Variants in C3orf33 observed in about 807,000 individuals in gnomAD.
C3orf33 encodes the protein AP-1 activity suppressor.
A neutral mutation model predicts 28.7 loss-of-function variants in C3orf33; 23 were observed. That is an observed-to-expected ratio of 0.80 (90% CI 0.58 to 1.13). The LOEUF is 1.13. Ranked by LOEUF, C3orf33 falls within the 50% of genes most tolerant of loss-of-function variation. The pLI, the probability that C3orf33 is intolerant of heterozygous loss-of-function variation, is 0.00. For synonymous variants in C3orf33, 119 were observed against 120.5 expected (o/e 0.99, Z 0.08); for missense variants, 327 against 353.4 (o/e 0.93, Z 0.60).
At chr3:155,769,501 A>AAG (rs1553770029) in intron 3 of C3orf33, among the ~76,000 whole-genome samples, 19 of 149,262 alleles carry the variant, frequency 1.3e-4, no homozygotes, top group African/African-American at 4.4e-4. Flanking sequence ...AAAAAAAAAA[A>AAG]AAGAAGAAGA....
At chr3:155,802,416 T>A in intron 2 of C3orf33, 116 bp downstream of exon 2, 1 of 742,694 alleles carries the variant, frequency 1.3e-6, no homozygotes, top group Non-Finnish European at 2.3e-6. Flanking sequence ...TAAAATACTA[T>A]TTAAAAGCTA....
chr3:155,806,154 G>T lies in C3orf33; in HGVS notation c.99C>A (p.His33Gln), dbSNP rs1406869377. 1 of 1,471,194 alleles carries T rather than the reference G, an allele frequency of 6.8e-7. No homozygotes were observed. Among genetic ancestry groups the T allele is most frequent in the Non-Finnish European group, 9.1e-7 (1 of 1,104,810 alleles). The allele number at this position is 1,471,194 out of a possible 1,614,324, so 91.1% of individuals were successfully genotyped here. ...VARISQWADD[H>Q]LRLVRNISTG... Reference sequence around the variant, plus strand: ...GCCCCAGTACCCGGACTAGGCGCAGGTGGTCGTCTGCCCACTGCGAGATCC... The same window carrying T: ...GCCCCAGTACCCGGACTAGGCGCAGTTGGTCGTCTGCCCACTGCGAGATCC... The change falls in exon 1 of 5, where the codon CAC becomes CAA. Residue 33 changes from histidine (H) to glutamine (Q), a missense_variant. Coordinates refer to ENST00000340171, the MANE Select transcript of C3orf33 (RefSeq NM_001308229.2).
intron 2 of C3orf33, among the ~76,000 whole-genome samples, chr3:155,792,990 C>G (rs936428763): frequency 1.3e-5 from 2 of 151,778 alleles, no homozygotes; most frequent in African/African-American, 2.4e-5. Flanking sequence ...TATGGAACAC[C>G]AAGCAGATTT....
intron 3 of C3orf33, among the ~76,000 whole-genome samples, chr3:155,775,160 G>T (rs944645758): frequency 6.6e-6 from 1 of 152,124 alleles, no homozygotes; most frequent in African/African-American, 2.4e-5. Context: ...CTCAACATTT[G>T]TGAAATGAAT....
chr3:155,780,804 T>C (rs1750896072), intron 2 of C3orf33, among the ~76,000 whole-genome samples: 1 of 152,196 alleles, frequency 6.6e-6, no homozygotes, highest in Admixed American at 6.5e-5. Context: ...GGAAAAACGC[T>C]TTCCTGACAA....
intron 1 of C3orf33, among the ~76,000 whole-genome samples, chr3:155,805,398 G>A (rs1022681876): frequency 6.6e-6 from 1 of 152,114 alleles, no homozygotes; most frequent in African/African-American, 2.4e-5. Flanking sequence ...AGGAAGTGGA[G>A]ACTGCAACGA....
At chr3:155,798,376 A>G (rs1339273731) in intron 2 of C3orf33, among the ~76,000 whole-genome samples, 1 of 152,190 alleles carries the variant, frequency 6.6e-6, no homozygotes, top group Admixed American at 6.6e-5. Flanking sequence ...TCAAATTATA[A>G]GAGCTATAGT....
intron 2 of C3orf33, among the ~76,000 whole-genome samples, chr3:155,781,626 G>A (rs376356396): frequency 1.4e-3 from 214 of 151,104 alleles, no homozygotes; most frequent in African/African-American, 4.1e-3. Context: ...AAAATTAGCC[G>A]GGTGTGGTGG....
chr3:155,769,501 A>AG (rs1553770028), intron 3 of C3orf33, among the ~76,000 whole-genome samples: 161 of 149,324 alleles, frequency 1.1e-3, no homozygotes, highest in African/African-American at 3.0e-3. Flanking sequence ...AAAAAAAAAA[A>AG]AAGAAGAAGA....
intron 2 of C3orf33, among the ~76,000 whole-genome samples, chr3:155,796,993 C>T (rs934343868): frequency 1.3e-5 from 2 of 152,130 alleles, no homozygotes; most frequent in African/African-American, 4.8e-5. Flanking sequence ...GAGTTCGAGA[C>T]TAGCCTGGTC....
intron 4 of C3orf33, among the ~76,000 whole-genome samples, chr3:155,764,728 T>C (rs358735): frequency 0.83 from 126,044 of 151,524 alleles, 52,725 homozygotes; most frequent in East Asian, 0.92. Context: ...CGATGGCAGG[T>C]GCCTGTAATC....
intron 1 of C3orf33, among the ~76,000 whole-genome samples, chr3:155,803,582 A>AG (rs1363159611): frequency 1.6e-4 from 24 of 145,878 alleles, no homozygotes; most frequent in African/African-American, 5.6e-4. Context: ...AAAAAAAAAA[A>AG]AAAGAAATGA....
intron 2 of C3orf33, among the ~76,000 whole-genome samples, chr3:155,796,419 C>T (rs1412877900): frequency 2.6e-5 from 4 of 152,102 alleles, no homozygotes; most frequent in Non-Finnish European, 5.9e-5. Flanking sequence ...AATTCCTAGA[C>T]ATGTACAACC....
At chr3:155,784,674 C>T (rs1278434761) in intron 2 of C3orf33, among the ~76,000 whole-genome samples, 3 of 150,984 alleles carry the variant, frequency 2.0e-5, no homozygotes, top group East Asian at 1.9e-4. Context: ...CGGGAGGTGC[C>T]GAGATGGCAC....
intron 2 of C3orf33, among the ~76,000 whole-genome samples, chr3:155,799,156 G>A (rs1268858531): frequency 2.0e-5 from 3 of 152,112 alleles, no homozygotes; most frequent in African/African-American, 4.8e-5. Context: ...GGAAACCTTC[G>A]TACACTGTTG....
At chr3:155,803,463 G>C (rs777187910) in intron 1 of C3orf33, among the ~76,000 whole-genome samples, 1 of 149,728 alleles carries the variant, frequency 6.7e-6, no homozygotes, top group Non-Finnish European at 1.5e-5. Flanking sequence ...TACTCAGGAG[G>C]CTAAGGCAGG....
chr3:155,783,789 C>A (rs978832224), intron 2 of C3orf33, among the ~76,000 whole-genome samples: 3 of 152,068 alleles, frequency 2.0e-5, no homozygotes, highest in African/African-American at 7.2e-5. Context: ...TTAAAAGAGA[C>A]AATAATTAGT....
intron 4 of C3orf33, among the ~76,000 whole-genome samples, chr3:155,764,246 G>C (rs1642052255): frequency 6.6e-6 from 1 of 152,112 alleles, no homozygotes; most frequent in Non-Finnish European, 1.5e-5. Context: ...GGGGAAGTGG[G>C]ACACCCAAGA....
At chr3:155,784,034 C>G (rs917251367) in intron 2 of C3orf33, among the ~76,000 whole-genome samples, 1 of 151,338 alleles carries the variant, frequency 6.6e-6, no homozygotes, top group Non-Finnish European at 1.5e-5. Context: ...CGGGTTCAAC[C>G]GATTCTCCTG....
Sources: gnomAD v4.1 joint callset for allele counts (sites outside exome capture counted in the v4.1 genomes callset) on GRCh38, gnomAD v4.1.1 for gene constraint, MANE v1.5 for transcripts, NCBI Gene and HGNC (gene_info 2026-07-23, HGNC 2026-07-21) for gene names.